The following CDH4 variants were observed in gnomAD, a reference collection of about 807,000 sequenced individuals.
CDH4 encodes the protein cadherin 4, also known as cadherin-4.
CDH4 carries 33 observed loss-of-function variants against 86.0 expected under a neutral mutation model. The observed-to-expected ratio is 0.38, with a 90% CI of 0.29 to 0.51. CDH4 has a LOEUF of 0.51. Among genes scored for constraint, CDH4 ranks in the 20% least tolerant of loss-of-function variants. The pLI, the probability that CDH4 is intolerant of heterozygous loss-of-function variation, is 0.86. For synonymous variants in CDH4, 555 were observed against 549.4 expected, an observed-to-expected ratio of 1.01 and a Z score of -0.14; for missense variants, 1,114 against 1,307.4, an observed-to-expected ratio of 0.85 and a Z score of 2.28.
intron 2 of CDH4, among the ~76,000 whole-genome samples, chr20:61,326,062 A>G (rs1447749173): frequency 2.0e-5 from 3 of 152,206 alleles, no homozygotes; most frequent in African/African-American, 7.2e-5. Context: ...CTGTAACTAC[A>G]TTTTCCCTTC....
intron 2 of CDH4, among the ~76,000 whole-genome samples, chr20:61,342,591 ACTCACCTGCTG>A (rs1445509282): frequency 6.6e-6 from 1 of 152,170 alleles, no homozygotes; most frequent in Non-Finnish European, 1.5e-5. Context: ...CGCTTCGTGC[ACTCACCTGCTG>A]CTCACCTGCG....
At chr20:61,383,209 A>C (rs1170437067) in intron 2 of CDH4, among the ~76,000 whole-genome samples, 2 of 117,542 alleles carry the variant, frequency 1.7e-5, no homozygotes, top group African/African-American at 3.5e-5. Flanking sequence ...TTATATATGA[A>C]TATATATGAA....
intron 2 of CDH4, among the ~76,000 whole-genome samples, chr20:61,497,134 A>G (rs1293122283): frequency 1.3e-5 from 2 of 152,150 alleles, no homozygotes; most frequent in African/African-American, 4.8e-5. Flanking sequence ...TCTTGTGAAC[A>G]GCATGTCTTT....
At chr20:61,915,438 C>T (rs1219602392) in intron 9 of CDH4, among the ~76,000 whole-genome samples, 4 of 152,190 alleles carry the variant, frequency 2.6e-5, no homozygotes, top group African/African-American at 9.7e-5. Context: ...GAGGAGGGGT[C>T]CAAGGCCTCC....
intron 2 of CDH4, among the ~76,000 whole-genome samples, chr20:61,329,212 G>A (rs1480635608): frequency 2.6e-5 from 4 of 150,996 alleles, no homozygotes; most frequent in Non-Finnish European, 4.4e-5. Flanking sequence ...TTAAGTTGGA[G>A]ACTGTCTGTA....
At chr20:61,297,889 G>T (rs181199666) in intron 2 of CDH4, among the ~76,000 whole-genome samples, 3 of 152,374 alleles carry the variant, frequency 2.0e-5, no homozygotes, top group Non-Finnish European at 4.4e-5. Context: ...GCTGTGGAGC[G>T]AATGACAATC....
chr20:61,773,933 G>T (rs1366620839), intron 4 of CDH4, among the ~76,000 whole-genome samples: 3 of 152,208 alleles, frequency 2.0e-5, no homozygotes, highest in Non-Finnish European at 4.4e-5. Flanking sequence ...TGGGCTGTGC[G>T]TTTGGAATGC....
In CDH4 at chr20:61,544,274, C is replaced by A. The variant is rs531174253; in HGVS notation, c.170-199289C>A. On this transcript the variant is annotated intron_variant, in intron 2 of 15. Coordinates refer to ENST00000614565, the MANE Select transcript of CDH4 (RefSeq NM_001794.5). The surrounding 1 kb of genome is among the most constrained non-coding windows in gnomAD (Gnocchi z 6.5). ...ATGGCGGGGTACGGCTGACATCGAG[C>A]GGGTGGAGGCTGGGTACGGCTAAAC... 5.2e-4 allele frequency among the ~76,000 whole-genome samples: 79 copies of A among 152,120 alleles called. No homozygotes were observed. The highest frequency in any genetic ancestry group is 1.9e-3 in the African/African-American group (77 of 41,502).
intron 8 of CDH4, among the ~76,000 whole-genome samples, chr20:61,909,540 G>A (rs1415280708): frequency 1.3e-5 from 2 of 152,230 alleles, no homozygotes; most frequent in South Asian, 2.1e-4. Context: ...AAGACTCCAG[G>A]GAGAACCCTT....
intron 2 of CDH4, among the ~76,000 whole-genome samples, chr20:61,446,447 AC>A (rs1400421074): frequency 6.6e-6 from 1 of 152,252 alleles, no homozygotes; most frequent in Admixed American, 6.5e-5. Context: ...TTTTAAACAA[AC>A]AGTCTTATTC....
At chr20:61,854,544 G>A (rs963607444) in intron 6 of CDH4, among the ~76,000 whole-genome samples, 7 of 138,594 alleles carry the variant, frequency 5.1e-5, no homozygotes, top group African/African-American at 2.2e-4. Flanking sequence ...GGTGAATTGT[G>A]CCTTTGGCCC....
At chr20:61,268,136 G>T (rs1345983093) in intron 2 of CDH4, among the ~76,000 whole-genome samples, 1 of 152,270 alleles carries the variant, frequency 6.6e-6, no homozygotes, top group African/African-American at 2.4e-5. Flanking sequence ...CTCTTTCTGT[G>T]TTGGGCAGCT....
chr20:61,936,689 G>T, intron 15 of CDH4, 48 bp from the exon 16 acceptor site: 1 of 1,419,972 alleles, frequency 7.0e-7, no homozygotes, highest in Non-Finnish European at 9.3e-7. Context: ...TGATCCCGGG[G>T]CTGAGACAAC....
At chr20:61,752,329 CAAAAAAAA>C (rs34828485) in intron 3 of CDH4, among the ~76,000 whole-genome samples, 1 of 83,150 alleles carries the variant, frequency 1.2e-5, no homozygotes, top group African/African-American at 4.2e-5. Flanking sequence ...AAAAGCCTGT[CAAAAAAAA>C]AAAAAAAAAA....
chr20:61,335,136 G>T (rs987386252), intron 2 of CDH4, among the ~76,000 whole-genome samples: 16 of 152,168 alleles, frequency 1.1e-4, no homozygotes, highest in Admixed American at 9.8e-4. Flanking sequence ...GAGGTCTCGC[G>T]GCCATTGACA....
chr20:61,696,066 C>T (rs1429494717), intron 2 of CDH4, among the ~76,000 whole-genome samples: 1 of 152,228 alleles, frequency 6.6e-6, no homozygotes, highest in African/African-American at 2.4e-5. Context: ...ACCTGCGTTT[C>T]CTGAGCCCCT....
At chr20:61,673,829 C>T (rs1405565414) in intron 2 of CDH4, among the ~76,000 whole-genome samples, 2 of 152,210 alleles carry the variant, frequency 1.3e-5, no homozygotes, top group Non-Finnish European at 2.9e-5. Context: ...AAATAAAAAT[C>T]ACATCTCTCT....
chr20:61,418,519 T>C (rs535777443), intron 2 of CDH4, among the ~76,000 whole-genome samples: 2 of 152,180 alleles, frequency 1.3e-5, no homozygotes, highest in Non-Finnish European at 2.9e-5. Context: ...CCAAACTTTT[T>C]TGACTAAGTG....
chr20:61,653,833 C>T lies in CDH4; in HGVS notation c.170-89730C>T, dbSNP rs1443146681. On this transcript the variant is annotated intron_variant, in intron 2 of 15. Transcript: ENST00000614565. ...CTCACTTCCTAGATGGGATGGCGGCCGGGCAGAGACGCTCCTCACTTCCTA... is the reference window on the plus strand; with the variant it reads ...CTCACTTCCTAGATGGGATGGCGGCTGGGCAGAGACGCTCCTCACTTCCTA... Among the ~76,000 whole-genome samples the T allele has an allele frequency of 5.3e-5, 7 of 131,464 alleles. 1 individual carries two copies. Among genetic ancestry groups the T allele is most frequent in the Admixed American group, 2.2e-4 (3 of 13,342 alleles). 86.2% of individuals were successfully genotyped at this position (131,464 alleles called of 152,430 possible). A position where few individuals can be genotyped will look rare whatever the true frequency, so the allele number is the denominator to read the frequency against.
Sources: allele counts gnomAD v4.1 joint callset (sites outside exome capture counted in the v4.1 genomes callset), GRCh38; gene constraint gnomAD v4.1.1; non-coding constraint Gnocchi (gnomAD v3.1); transcripts MANE v1.5; gene names NCBI Gene and HGNC (gene_info 2026-07-23, HGNC 2026-07-21).